The following ZNF407 variants were observed in gnomAD, a reference collection of about 807,000 sequenced individuals.
ZNF407 encodes zinc finger protein 407.
ZNF407 carries 17 observed loss-of-function variants against 131.2 expected under a neutral mutation model. The observed-to-expected ratio is 0.13, with a 90% CI of 0.09 to 0.19. The LOEUF (loss-of-function observed/expected upper bound fraction) is 0.19, where lower values mean the gene tolerates loss of function less well. Ranked by LOEUF, ZNF407 falls within the 10% of genes least tolerant of loss-of-function variation. The pLI is 1.00. For missense variants in ZNF407, 2,681 were observed against 2,830.6 expected (o/e 0.95, Z 1.20); for synonymous variants, 1,156 against 1,062.0 (o/e 1.09, Z -1.72).
At chr18:74,736,956 T>A (rs1370620653) in intron 3 of ZNF407, among the ~76,000 whole-genome samples, 1 of 152,168 alleles carries the variant, frequency 6.6e-6, no homozygotes, top group East Asian at 1.9e-4. Context: ...GTGACTGTAA[T>A]CTTTTGGAAC....
rs554364105 is a variant in ZNF407, at chr18:74,837,362, A to G, written c.4878-39835A>G. On this transcript the variant is annotated intron_variant, in intron 4 of 8. Transcript: ENST00000299687. ...AATGGAACAATATAGAAAGAGTCACATACAAATTACTTGGAGAAAGATCAT... is the reference window on the plus strand; with the variant it reads ...AATGGAACAATATAGAAAGAGTCACGTACAAATTACTTGGAGAAAGATCAT... Among the ~76,000 whole-genome samples, 93 of 152,176 alleles carry G rather than the reference A, an allele frequency of 6.1e-4. 2 individuals carry two copies. Among genetic ancestry groups the G allele is most frequent in the African/African-American group, 2.2e-3 (91 of 41,482 alleles).
At chr18:74,816,213 A>C (rs1443319892) in intron 4 of ZNF407, among the ~76,000 whole-genome samples, 1 of 152,196 alleles carries the variant, frequency 6.6e-6, no homozygotes, top group East Asian at 1.9e-4. Context: ...ACTTTGGCTG[A>C]TGTTGACTTT....
intron 8 of ZNF407, among the ~76,000 whole-genome samples, chr18:75,055,173 T>G (rs1415980828): frequency 6.6e-6 from 1 of 152,250 alleles, no homozygotes; most frequent in Non-Finnish European, 1.5e-5. Flanking sequence ...TTGAGCACTT[T>G]CTGCTGGCAC....
At chr18:74,657,785 C>T (rs1010770332) in intron 3 of ZNF407, among the ~76,000 whole-genome samples, 11 of 152,142 alleles carry the variant, frequency 7.2e-5, no homozygotes, top group African/African-American at 2.7e-4. Context: ...GGGAGGTCTG[C>T]AGTGCTGCTG....
chr18:74,675,888 G>A (rs1318367353), intron 3 of ZNF407, among the ~76,000 whole-genome samples: 3 of 152,018 alleles, frequency 2.0e-5, no homozygotes, highest in Admixed American at 2.0e-4. Context: ...ACCTATAGAC[G>A]TTTAAAGCCT....
rs749753769 is a variant in ZNF407, at chr18:74,635,074, G to A, written c.4055G>A (p.Ser1352Asn). The A allele has an allele frequency of 8.7e-6, 14 of 1,613,834 alleles. No homozygotes were observed. In the East Asian group the frequency reaches 1.8e-4, roughly 21 times the overall value. The change falls in exon 2 of 9, where the codon AGT becomes AAT. Residue 1352 changes from serine (S) to asparagine (N), a missense_variant. Transcript: ENST00000299687. The surrounding 1 kb of genome is among the most constrained non-coding windows in gnomAD (Gnocchi z 4.7). ...SIDDKGQAMY[S>N]FGRFDSSIIR... is the part of the protein sequence containing the mutation. ...GATGATAAAGGGCAGGCCATGTACAGTTTTGGTCGATTTGACTCCTCCATA... is the reference window on the plus strand; with the variant it reads ...GATGATAAAGGGCAGGCCATGTACAATTTTGGTCGATTTGACTCCTCCATA...
At chr18:74,772,265 G>T (rs960036030) in intron 3 of ZNF407, among the ~76,000 whole-genome samples, 2 of 152,164 alleles carry the variant, frequency 1.3e-5, no homozygotes, top group Non-Finnish European at 2.9e-5. Context: ...CTATACATCT[G>T]TAACTATAAG....
intron 3 of ZNF407, among the ~76,000 whole-genome samples, chr18:74,717,161 G>A (rs2144860226): frequency 6.6e-6 from 1 of 152,302 alleles, no homozygotes; most frequent in South Asian, 2.1e-4. Flanking sequence ...CATTTCTGAT[G>A]TAATTTTAGA....
chr18:74,793,998 A>G (rs1342123402), intron 4 of ZNF407, among the ~76,000 whole-genome samples: 2 of 152,188 alleles, frequency 1.3e-5, no homozygotes, highest in Non-Finnish European at 2.9e-5. Context: ...AGAAATGTTG[A>G]TTAGCACTGT....
At position 74,788,476 on chromosome 18, in the gene ZNF407, A is replaced by G. The variant is rs1191327250; in HGVS notation, c.4877+6974A>G. On this transcript the variant is annotated intron_variant, in intron 4 of 8. Coordinates refer to ENST00000299687, the MANE Select transcript of ZNF407 (RefSeq NM_017757.3). ...TTTATTTAAAAACACGCTTGCTTCT[A>G]AAGTTTGCTGAACAGACCCAGTTAA... is the stretch of plus-strand genomic sequence containing the variant. 2.6e-5 allele frequency among the ~76,000 whole-genome samples: 4 copies of G among 152,234 alleles called. No homozygotes were observed. In the South Asian group the frequency reaches 6.2e-4, roughly 24 times the overall value.
chr18:74,948,351 T>C lies in ZNF407; in HGVS notation c.5428+27659T>C, dbSNP rs1972177658. 2.0e-5 allele frequency among the ~76,000 whole-genome samples: 3 copies of C among 152,224 alleles called. No homozygotes were observed. The South Asian group carries it at 6.2e-4, about 32-fold the overall frequency. ...TCCACTGACATTCACCTGAGCTTAGTCTTCATTACTGAGACTGCTCCGTCT... is the reference window on the plus strand; with the variant it reads ...TCCACTGACATTCACCTGAGCTTAGCCTTCATTACTGAGACTGCTCCGTCT... On this transcript the variant is annotated intron_variant, in intron 8 of 8. Coordinates refer to ENST00000299687, the MANE Select transcript of ZNF407 (RefSeq NM_017757.3).
intron 4 of ZNF407, among the ~76,000 whole-genome samples, chr18:74,832,458 C>G (rs1179763587): frequency 6.7e-6 from 1 of 148,544 alleles, no homozygotes; most frequent in Non-Finnish European, 1.5e-5. Context: ...TTTTTTTTTT[C>G]TTTTTGTTTT....
chr18:74,990,421 T>C (rs1378739001), intron 8 of ZNF407, among the ~76,000 whole-genome samples: 4 of 152,206 alleles, frequency 2.6e-5, no homozygotes, highest in Admixed American at 2.6e-4. Context: ...CCCTTAAATT[T>C]CTGGATTTGA....
At chr18:74,849,485 C>A (rs545397044) in intron 4 of ZNF407, among the ~76,000 whole-genome samples, 4 of 152,218 alleles carry the variant, frequency 2.6e-5, no homozygotes, top group Admixed American at 2.0e-4. Flanking sequence ...CTGTACAGTT[C>A]CACAGAGTAT....
chr18:74,994,019 T>A (rs980254921), intron 8 of ZNF407, among the ~76,000 whole-genome samples: 2 of 152,236 alleles, frequency 1.3e-5, no homozygotes, highest in Non-Finnish European at 2.9e-5. Flanking sequence ...CGCCAGAATT[T>A]CTTCTTCTTT....
At chr18:74,816,489 A>G (rs956746650) in intron 4 of ZNF407, among the ~76,000 whole-genome samples, 13 of 152,206 alleles carry the variant, frequency 8.5e-5, no homozygotes, top group African/African-American at 2.9e-4. Context: ...CTATAAATGC[A>G]TTTAAAAACC....
At chr18:74,972,830 T>C (rs1680661700) in intron 8 of ZNF407, among the ~76,000 whole-genome samples, 1 of 152,238 alleles carries the variant, frequency 6.6e-6, no homozygotes, top group African/African-American at 2.4e-5. Flanking sequence ...GCTACAAATA[T>C]CATTATATTC....
chr18:75,055,091 CT>C (rs913520293), intron 8 of ZNF407, among the ~76,000 whole-genome samples: 4 of 152,196 alleles, frequency 2.6e-5, no homozygotes, highest in Non-Finnish European at 1.5e-5. Flanking sequence ...GAGACGCACC[CT>C]ATGTTGATAC....
rs963413371 is a variant in ZNF407 at position 75,028,385 on chromosome 18, C to G, written c.5429-34765C>G. 2.6e-5 allele frequency among the ~76,000 whole-genome samples: 4 copies of G among 152,022 alleles called. No homozygotes were observed. In the South Asian group the frequency reaches 6.2e-4, roughly 24 times the overall value. ...CCTCTTGTGTCCTATGTGTTGATCT[C>G]CACCTGTAAGGACCCTGGTCACATT... On this transcript the variant is annotated intron_variant, in intron 8 of 8. Transcript: ENST00000299687.
Sources: gnomAD v4.1 joint callset for allele counts (sites outside exome capture counted in the v4.1 genomes callset) on GRCh38, gnomAD v4.1.1 for gene constraint, Gnocchi (gnomAD v3.1) non-coding constraint, MANE v1.5 for transcripts, NCBI Gene and HGNC (gene_info 2026-07-23, HGNC 2026-07-21) for gene names.